SLC22A23: variants seen among roughly 807,000 people sequenced by gnomAD.
The protein encoded by SLC22A23 is solute carrier family 22 member 23, also known as ion transporter protein.
In SLC22A23, 26 loss-of-function variants were observed where a neutral mutation model predicts 61.0. That is an observed-to-expected ratio of 0.43 (90% confidence interval 0.31 to 0.59). The LOEUF (loss-of-function observed/expected upper bound fraction) is 0.59, where lower values mean the gene tolerates loss of function less well. SLC22A23 is among the 20% of genes least tolerant of loss of function. The pLI, the probability that SLC22A23 is intolerant of heterozygous loss-of-function variation, is 0.11. For synonymous variants in SLC22A23, 430 were observed against 413.9 expected (o/e 1.04, Z -0.47); for missense variants, 796 against 934.7 (o/e 0.85, Z 1.94).
At chr6:3,323,609 T>C (rs1270761139) in intron 4 of SLC22A23, 1 of 604,340 alleles carries the variant, frequency 1.7e-6, no homozygotes, top group African/African-American at 1.9e-5. Flanking sequence ...TGGAGCTGGG[T>C]GATGGGCTCA....
At chr6:3,393,621 A>AATAC (rs775978756) in intron 3 of SLC22A23, among the ~76,000 whole-genome samples, 7 of 152,230 alleles carry the variant, frequency 4.6e-5, no homozygotes, top group Non-Finnish European at 1.0e-4. Flanking sequence ...TGGCAGCAGA[A>AATAC]ATACATGTTT....
chr6:3,385,177 T>C (rs1374997200), intron 3 of SLC22A23, among the ~76,000 whole-genome samples: 1 of 152,074 alleles, frequency 6.6e-6, no homozygotes, highest in East Asian at 1.9e-4. Flanking sequence ...AGGGGTGCCC[T>C]AGAGGGTGAA....
intron 9 of SLC22A23, among the ~76,000 whole-genome samples, chr6:3,274,171 C>T (rs139656175): frequency 4.2e-4 from 64 of 152,346 alleles, no homozygotes; most frequent in African/African-American, 1.4e-3. Flanking sequence ...TTAGTAGATA[C>T]GCAAAACTTA....
At chr6:3,279,691 T>G (rs1206082638) in intron 9 of SLC22A23, among the ~76,000 whole-genome samples, 1 of 151,974 alleles carries the variant, frequency 6.6e-6, no homozygotes, top group Admixed American at 6.6e-5. Context: ...CCCTGAAATG[T>G]GGGCTCTGCC....
At chr6:3,334,513 T>C (rs1763746140) in intron 3 of SLC22A23, among the ~76,000 whole-genome samples, 1 of 150,872 alleles carries the variant, frequency 6.6e-6, no homozygotes, top group Non-Finnish European at 1.5e-5. Context: ...TTTTTTTCAA[T>C]GAAAAAAAAG....
chr6:3,451,852 T>C (rs2183064), intron 1 of SLC22A23, among the ~76,000 whole-genome samples: 152,335 of 152,338 alleles, frequency 1, 76,166 homozygotes, highest in Middle Eastern at 1. Context: ...GATGATTTTT[T>C]GACTTGATGA....
At chr6:3,394,224 C>A (rs1236809269) in intron 3 of SLC22A23, among the ~76,000 whole-genome samples, 1 of 152,136 alleles carries the variant, frequency 6.6e-6, no homozygotes, top group Non-Finnish European at 1.5e-5. Flanking sequence ...GTGGTGCATT[C>A]TGTAATTCAA....
At chr6:3,280,359 C>A (rs1171782936) in intron 9 of SLC22A23, among the ~76,000 whole-genome samples, 2 of 152,210 alleles carry the variant, frequency 1.3e-5, no homozygotes, top group East Asian at 3.9e-4. Context: ...GCCATATCAT[C>A]AGCACCCTCC....
chr6:3,291,005 G>A (rs1760536947), intron 5 of SLC22A23: 1 of 152,316 alleles, frequency 6.6e-6, no homozygotes, highest in Non-Finnish European at 1.5e-5. Flanking sequence ...GGCATCCCGG[G>A]TGGGAGGAGT....
At chr6:3,378,657 CT>C (rs574704294) in intron 3 of SLC22A23, among the ~76,000 whole-genome samples, 49 of 119,096 alleles carry the variant, frequency 4.1e-4, no homozygotes, top group East Asian at 2.0e-3. Flanking sequence ...TTTCTTTTTT[CT>C]TTTTTTTTTT....
At chr6:3,354,350 G>A (rs1178521291) in intron 3 of SLC22A23, among the ~76,000 whole-genome samples, 1 of 152,180 alleles carries the variant, frequency 6.6e-6, no homozygotes, top group Non-Finnish European at 1.5e-5. Flanking sequence ...TCCTTCTCTT[G>A]ACTTGTGTAC....
chr6:3,293,452 G>A (rs962917359), intron 5 of SLC22A23, among the ~76,000 whole-genome samples: 1 of 152,244 alleles, frequency 6.6e-6, no homozygotes, highest in African/African-American at 2.4e-5. Flanking sequence ...TCGGCCACTC[G>A]AATAAATGTG....
intron 9 of SLC22A23, among the ~76,000 whole-genome samples, chr6:3,282,981 G>A (rs570033312): frequency 1.2e-4 from 18 of 152,290 alleles, no homozygotes; most frequent in Admixed American, 2.6e-4. Context: ...TGAAATGGCC[G>A]CAGACTCCAC....
intron 1 of SLC22A23, among the ~76,000 whole-genome samples, chr6:3,447,111 A>C (rs1186897761): frequency 6.6e-6 from 1 of 152,138 alleles, no homozygotes; most frequent in African/African-American, 2.4e-5. Context: ...CTTTGCTCTA[A>C]AATTAGAGGA....
intron 7 of SLC22A23, 146 bp from the exon 8 acceptor site, chr6:3,285,257 CTGGCCGCCGGGGCAG>C (rs1759879413): frequency 8.9e-7 from 1 of 1,128,156 alleles, no homozygotes; most frequent in East Asian, 2.6e-5. Flanking sequence ...TGGGATGGCG[CTGGCCGCCGGGGCAG>C]TGGAATTCAT....
At chr6:3,356,413 C>T (rs11242846) in intron 3 of SLC22A23, among the ~76,000 whole-genome samples, 61,046 of 151,392 alleles carry the variant, frequency 0.4, 13,129 homozygotes, top group African/African-American at 0.55. Context: ...TGGCAGCGAC[C>T]TCATCCAAGG....
chr6:3,298,953 T>C (rs1761364600), intron 4 of SLC22A23, among the ~76,000 whole-genome samples: 1 of 130,970 alleles, frequency 7.6e-6, no homozygotes, highest in African/African-American at 3.2e-5. Flanking sequence ...CAGTCCGGCC[T>C]GGGCGACAGA....
intron 1 of SLC22A23, among the ~76,000 whole-genome samples, chr6:3,436,181 T>A (rs1243995467): frequency 6.6e-6 from 1 of 151,928 alleles, no homozygotes; most frequent in Admixed American, 6.6e-5. Context: ...AGACGGAGTC[T>A]CAATCTGGAG....
rs1311130124 is a variant in SLC22A23, at chr6:3,297,011, G to A, written c.1210+1080C>T. Reference sequence around the variant, plus strand: ...GTGCCCCTGGAGCAAAGCTTCCGCAGCCACTCTGACTGTAGTCCCTCCCTG... The same window carrying A: ...GTGCCCCTGGAGCAAAGCTTCCGCAACCACTCTGACTGTAGTCCCTCCCTG... On this transcript the variant is annotated intron_variant, in intron 5 of 9. Transcript: ENST00000406686. This position sits in a 1 kb window ranked among gnomAD's most constrained non-coding sequence, Gnocchi z 4.3. Among the ~76,000 whole-genome samples, 6 of 152,220 alleles carry A rather than the reference G, an allele frequency of 3.9e-5. No homozygotes were observed. Among genetic ancestry groups the A allele is most frequent in the African/African-American group, 7.2e-5 (3 of 41,450 alleles).
Sources: allele counts gnomAD v4.1 joint callset (sites outside exome capture counted in the v4.1 genomes callset), GRCh38; gene constraint gnomAD v4.1.1; non-coding constraint Gnocchi (gnomAD v3.1); transcripts MANE v1.5; gene names NCBI Gene and HGNC (gene_info 2026-07-23, HGNC 2026-07-21).